PARP15: variants seen among roughly 807,000 people sequenced by gnomAD.
PARP15 encodes protein mono-ADP-ribosyltransferase PARP15.
A neutral mutation model predicts 62.1 loss-of-function variants in PARP15; 50 were observed. The ratio of observed to expected loss-of-function variants is 0.81; its 90% CI spans 0.64 to 1.02. The LOEUF is 1.02. PARP15 is among the 50% of genes least tolerant of loss of function. The probability of loss-of-function intolerance (pLI) is 0.00; values close to 1 mark genes in which losing one functional copy is unlikely to be tolerated. For missense variants in PARP15, 820 were observed against 826.5 expected (o/e 0.99, Z 0.10); for synonymous variants, 309 against 293.1 (o/e 1.05, Z -0.55).
At chr3:122,581,625 G>A (rs980041702) in intron 1 of PARP15, among the ~76,000 whole-genome samples, 5 of 152,126 alleles carry the variant, frequency 3.3e-5, no homozygotes, top group Admixed American at 6.5e-5. Flanking sequence ...GGGGTTCTTT[G>A]TATGTTCTGA....
chr3:122,616,520 C>T (rs936080574), intron 5 of PARP15, among the ~76,000 whole-genome samples: 2 of 151,930 alleles, frequency 1.3e-5, no homozygotes, highest in Admixed American at 1.3e-4. Context: ...TTAGTAAACA[C>T]ACGGTTTCAC....
chr3:122,615,098 T>C lies in PARP15; in HGVS notation c.772-681T>C, dbSNP rs1331582520. The C allele has an allele frequency of 3.1e-6, 3 of 979,324 alleles. No homozygotes were observed. In the African/African-American group the frequency reaches 5.4e-5, roughly 18 times the overall value. The allele number at this position is 979,324 out of a possible 1,614,324, so 60.7% of individuals were successfully genotyped here. On this transcript the variant is annotated intron_variant, in intron 4 of 11. Transcript: ENST00000464300. Reference sequence around the variant, plus strand: ...AGAGAAAAAGAAAAAGTAGAAACAGTCCCAAAGATACCTGAAAAGAAAGAA... The same window carrying C: ...AGAGAAAAAGAAAAAGTAGAAACAGCCCCAAAGATACCTGAAAAGAAAGAA...
chr3:122,583,772 T>C (rs1242129015), intron 1 of PARP15, among the ~76,000 whole-genome samples: 1 of 152,230 alleles, frequency 6.6e-6, no homozygotes, highest in Admixed American at 6.5e-5. Context: ...ATTTTTCTAC[T>C]GTGGCTATTG....
rs1937319145 is a variant in PARP15, at chr3:122,635,683, G to C, written c.1748-128G>C. 3 of 1,053,204 alleles carry C rather than the reference G, an allele frequency of 2.8e-6. No individual in the cohort carries two copies. In the South Asian group the frequency reaches 4.9e-5, roughly 17 times the overall value. The allele number at this position is 1,053,204 out of a possible 1,614,324, so 65.2% of individuals were successfully genotyped here. On this transcript the variant is annotated intron_variant, in intron 11 of 11. Coordinates refer to ENST00000464300, the MANE Select transcript of PARP15 (RefSeq NM_001113523.3). ...TTGCCTCAGCCTCCCAAAGTGTTGG[G>C]ATTACAGGCATGAGCCAACACACCT...
chr3:122,602,265 G>A (rs1934857070), intron 1 of PARP15, among the ~76,000 whole-genome samples: 1 of 152,130 alleles, frequency 6.6e-6, no homozygotes. Flanking sequence ...TCTCCCAGAG[G>A]TGCCTGGGAG....
chr3:122,634,953 CACA>C, intron 10 of PARP15, 64 bp from the exon 11 acceptor site: 2 of 1,449,132 alleles, frequency 1.4e-6, no homozygotes, highest in Non-Finnish European at 1.9e-6. Context: ...ATTTTAAATC[CACA>C]ACAAGTACAA....
intron 5 of PARP15, among the ~76,000 whole-genome samples, chr3:122,616,475 G>A (rs1935981352): frequency 6.6e-6 from 1 of 151,798 alleles, no homozygotes; most frequent in African/African-American, 2.4e-5. Context: ...GATGACAGGT[G>A]TGCACCACCA....
In PARP15 at chr3:122,632,118, C is replaced by A; in HGVS notation, c.1471C>A (p.His491Asn). Residue 491 changes from histidine to asparagine, a missense_variant, in exon 10 of 12, where the codon CAT becomes AAT. Physicochemically the swap from His to Asn is moderately conservative, Grantham distance 68. Around this residue, in one of 3 missense-constraint regions of PARP15, gnomAD observed 731 missense variants for 727.7 expected, o/e 1.00. Coordinates refer to ENST00000464300, the MANE Select transcript of PARP15 (RefSeq NM_001113523.3). ...TCCTGAACACTGGACTGACATGAAT[C>A]ATCAGCTGTTTTGCATGGTCCAGCT... is the stretch of plus-strand genomic sequence containing the variant. ...NLPEHWTDMNHQLFCMVQLEP... is the reference protein window; with the variant it reads ...NLPEHWTDMNNQLFCMVQLEP... 1 of 1,614,030 alleles carries A rather than the reference C, an allele frequency of 6.2e-7. No homozygotes were observed. Among genetic ancestry groups the A allele is most frequent in the Non-Finnish European group, 8.5e-7 (1 of 1,179,952 alleles).
At position 122,638,020 on chromosome 3, in the gene PARP15, A is replaced by G. The variant is rs1049130693; in HGVS notation, c.*1920A>G. ...TGTGTCCATGTGTTCTCATTGTTCA[A>G]TTCCCACCTGTGAGTGAGAACATGT... On this transcript the variant is annotated 3_prime_UTR_variant, in exon 12 of 12. Transcript: ENST00000464300. 9.2e-5 allele frequency: 14 copies of G among 151,930 alleles called. No homozygotes were observed. The highest frequency in any genetic ancestry group is 3.1e-4 in the African/African-American group (13 of 41,354). The allele number at this position is 151,930 out of a possible 1,614,324, so 9.4% of individuals were successfully genotyped here. A position where few individuals can be genotyped will look rare whatever the true frequency, so the allele number is the denominator to read the frequency against.
chr3:122,619,047 T>A (rs150494180), intron 6 of PARP15, among the ~76,000 whole-genome samples: 3,379 of 152,314 alleles, frequency 0.022, 52 homozygotes, highest in Non-Finnish European at 0.034. Flanking sequence ...GATATAGATA[T>A]CTTCATAATG....
intron 1 of PARP15, among the ~76,000 whole-genome samples, chr3:122,605,584 A>G (rs1450943590): frequency 6.6e-6 from 1 of 152,010 alleles, no homozygotes; most frequent in Non-Finnish European, 1.5e-5. Flanking sequence ...CTTATTTTTC[A>G]TCTTTTTGAG....
At chr3:122,585,671 C>T (rs1276330251) in intron 1 of PARP15, among the ~76,000 whole-genome samples, 3 of 152,188 alleles carry the variant, frequency 2.0e-5, no homozygotes, top group Non-Finnish European at 4.4e-5. Flanking sequence ...AAAAGCTGAA[C>T]CAGATTGGTC....
At chr3:122,583,574 T>C (rs1933151578) in intron 1 of PARP15, among the ~76,000 whole-genome samples, 1 of 152,232 alleles carries the variant, frequency 6.6e-6, no homozygotes, top group Non-Finnish European at 1.5e-5. Flanking sequence ...ATTTTTGCAC[T>C]TTAACAAATA....
chr3:122,612,418 T>G (rs1272416655), intron 3 of PARP15, among the ~76,000 whole-genome samples: 1 of 151,480 alleles, frequency 6.6e-6, no homozygotes, highest in Non-Finnish European at 1.5e-5. Context: ...TTAAATACAG[T>G]TTTTTTGTTT....
chr3:122,581,621 C>G (rs2080802937), intron 1 of PARP15, among the ~76,000 whole-genome samples: 1 of 152,120 alleles, frequency 6.6e-6, no homozygotes, highest in South Asian at 2.1e-4. Context: ...TGTAGGGGTT[C>G]TTTGTATGTT....
chr3:122,603,914 A>G lies in PARP15; in HGVS notation c.187-2022A>G, dbSNP rs941405702. Among the ~76,000 whole-genome samples, 8 of 152,354 alleles carry G rather than the reference A, an allele frequency of 5.3e-5. No homozygotes were observed. In the East Asian group the frequency reaches 1.3e-3, roughly 26 times the overall value. On this transcript the variant is annotated intron_variant, in intron 1 of 11. Transcript: ENST00000464300. ...GAGTGAGATCAGGCATGGAAAATAG[A>G]TTTAGTTTCATGGATTACCTCTGAC...
At chr3:122,627,888 G>A (rs1046990220) in intron 9 of PARP15, among the ~76,000 whole-genome samples, 1 of 152,220 alleles carries the variant, frequency 6.6e-6, no homozygotes, top group African/African-American at 2.4e-5. Flanking sequence ...ATCTGTTAAA[G>A]TTCTTGCAGT....
chr3:122,629,757 G>A (rs112044204), intron 9 of PARP15, among the ~76,000 whole-genome samples: 1,647 of 152,258 alleles, frequency 0.011, 46 homozygotes, highest in African/African-American at 0.038. Context: ...CCCATCTGGG[G>A]GTGATGGGAG....
chr3:122,611,293 A>G (rs71329289), intron 3 of PARP15, among the ~76,000 whole-genome samples: 2 of 152,148 alleles, frequency 1.3e-5, no homozygotes, highest in South Asian at 4.1e-4. Flanking sequence ...GTACAAAAAG[A>G]CAATAAAAAT....
Sources: allele counts gnomAD v4.1 joint callset (sites outside exome capture counted in the v4.1 genomes callset), GRCh38; gene constraint gnomAD v4.1.1; regional missense constraint gnomAD v4.1.1; transcripts MANE v1.5; gene names NCBI Gene and HGNC (gene_info 2026-07-23, HGNC 2026-07-21).